The following PPP1R13B variants were observed in gnomAD, a reference collection of about 807,000 sequenced individuals.
PPP1R13B encodes apoptosis-stimulating of p53 protein 1.
In PPP1R13B, 44 loss-of-function variants were observed where a neutral mutation model predicts 119.8. The observed-to-expected ratio is 0.37, with a 90% confidence interval of 0.29 to 0.47. PPP1R13B has a LOEUF of 0.47. Among genes scored for constraint, PPP1R13B ranks in the 20% least tolerant of loss-of-function variants. PPP1R13B has a pLI of 0.99. For missense variants in PPP1R13B, 1,227 were observed against 1,413.5 expected, an observed-to-expected ratio of 0.87 and a Z score of 2.12; for synonymous variants, 542 against 561.5, an observed-to-expected ratio of 0.97 and a Z score of 0.49.
chr14:103,734,474 C>T lies in PPP1R13B; in HGVS notation c.*680G>A. On this transcript the variant is annotated 3_prime_UTR_variant, in exon 17 of 17. Transcript: ENST00000202556. ...AGAAGAGTATATGCTGAGGCTCTCC[C>T]AGTTGTCACTTGGTCTTAGGGGTCC... 2.2e-6 allele frequency: 1 copy of T among 455,512 alleles called. No individual in the cohort carries two copies. The highest frequency in any genetic ancestry group is 4.4e-6 in the Non-Finnish European group (1 of 226,338). The allele number at this position is 455,512 out of a possible 1,614,324, so 28.2% of individuals were successfully genotyped here.
At chr14:103,805,927 G>A (rs2086006790) in intron 1 of PPP1R13B, among the ~76,000 whole-genome samples, 1 of 152,178 alleles carries the variant, frequency 6.6e-6, no homozygotes, top group Non-Finnish European at 1.5e-5. Context: ...TGACAGTAAT[G>A]TTCTAAAATT....
intron 6 of PPP1R13B, 35 bp downstream of exon 6, chr14:103,754,035 G>A: frequency 6.2e-7 from 1 of 1,602,644 alleles, no homozygotes; most frequent in Non-Finnish European, 8.5e-7. Flanking sequence ...TGGGCCTGGT[G>A]AGAGTGGTGT....
intron 4 of PPP1R13B, among the ~76,000 whole-genome samples, chr14:103,777,696 T>C (rs1038083679): frequency 6.6e-6 from 1 of 151,720 alleles, no homozygotes; most frequent in African/African-American, 2.4e-5. Flanking sequence ...TATAATTTCA[T>C]ATAATATTTT....
chr14:103,825,734 AAAC>A (rs1259851809), intron 1 of PPP1R13B, among the ~76,000 whole-genome samples: 4 of 152,244 alleles, frequency 2.6e-5, no homozygotes, highest in Admixed American at 6.5e-5. Flanking sequence ...GTGCAAGGTG[AAAC>A]AACAAGTAAT....
chr14:103,788,536 C>A (rs779674066), intron 2 of PPP1R13B, among the ~76,000 whole-genome samples: 3 of 152,090 alleles, frequency 2.0e-5, no homozygotes, highest in Non-Finnish European at 4.4e-5. Flanking sequence ...AATAGCATTT[C>A]TCATTAGCCA....
At chr14:103,829,606 A>T (rs1320549512) in intron 1 of PPP1R13B, among the ~76,000 whole-genome samples, 1 of 152,000 alleles carries the variant, frequency 6.6e-6, no homozygotes, top group Non-Finnish European at 1.5e-5. Flanking sequence ...AAAAACACAC[A>T]TCTATAGTGT....
At chr14:103,835,293 T>C (rs1000425588) in intron 1 of PPP1R13B, among the ~76,000 whole-genome samples, 3 of 152,024 alleles carry the variant, frequency 2.0e-5, no homozygotes, top group Non-Finnish European at 2.9e-5. Flanking sequence ...CAGCTAATTT[T>C]TGTATTATTT....
intron 4 of PPP1R13B, among the ~76,000 whole-genome samples, chr14:103,766,018 T>C (rs1236966438): frequency 4.0e-5 from 6 of 148,944 alleles, no homozygotes; most frequent in Non-Finnish European, 3.0e-5. Context: ...TTATTATTAT[T>C]ATTATTTTGA....
intron 4 of PPP1R13B, among the ~76,000 whole-genome samples, chr14:103,765,084 C>A (rs1224794881): frequency 6.6e-6 from 1 of 152,224 alleles, no homozygotes; most frequent in Non-Finnish European, 1.5e-5. Context: ...TCCCAGAGTG[C>A]TGGGATTATA....
intron 3 of PPP1R13B, among the ~76,000 whole-genome samples, chr14:103,781,893 C>G (rs1299781380): frequency 1.3e-5 from 2 of 152,148 alleles, no homozygotes; most frequent in African/African-American, 4.8e-5. Context: ...ACCTCGTGAT[C>G]CAACCTCCTT....
At chr14:103,741,269 A>G (rs2084251521) in intron 11 of PPP1R13B, among the ~76,000 whole-genome samples, 1 of 152,244 alleles carries the variant, frequency 6.6e-6, no homozygotes, top group African/African-American at 2.4e-5. Context: ...TGTGGAACTA[A>G]GCTACCTTCT....
At chr14:103,814,645 A>G (rs1437057657) in intron 1 of PPP1R13B, among the ~76,000 whole-genome samples, 1 of 152,032 alleles carries the variant, frequency 6.6e-6, no homozygotes, top group East Asian at 1.9e-4. Context: ...TCACTATTTA[A>G]AAAAAAACAA....
At chr14:103,780,359 C>A (rs964148468) in intron 3 of PPP1R13B, among the ~76,000 whole-genome samples, 3 of 151,236 alleles carry the variant, frequency 2.0e-5, no homozygotes, top group Non-Finnish European at 4.4e-5. Context: ...TGGTGGCACA[C>A]GCCTGCGGTC....
At chr14:103,834,707 C>T (rs1470944262) in intron 1 of PPP1R13B, among the ~76,000 whole-genome samples, 1 of 150,594 alleles carries the variant, frequency 6.6e-6, no homozygotes, top group African/African-American at 2.5e-5. Context: ...TCTCCTCCCT[C>T]AGCCTCCTGA....
intron 1 of PPP1R13B, among the ~76,000 whole-genome samples, chr14:103,801,069 C>T (rs2085889521): frequency 1.3e-5 from 2 of 152,212 alleles, no homozygotes; most frequent in African/African-American, 2.4e-5. Flanking sequence ...AGGCTGCTCT[C>T]AAACTCCCGA....
rs1410107678 is a variant in PPP1R13B at position 103,738,110 on chromosome 14, G to GTGTGAT, written c.2865-251_2865-250insATCACA. 6.6e-6 allele frequency among the ~76,000 whole-genome samples: 1 copy of GTGTGAT among 152,200 alleles called. No individual in the cohort carries two copies. Among genetic ancestry groups the GTGTGAT allele is most frequent in the Non-Finnish European group, 1.5e-5 (1 of 68,042 alleles). ...CACAGATGTTCACGCCACACTGCAT[G>GTGTGAT]GTGATGTGAATGTACATAACACACT... On this transcript the variant is annotated intron_variant, in intron 14 of 16. Transcript: ENST00000202556. This position sits in a 1 kb window ranked among gnomAD's most constrained non-coding sequence, Gnocchi z 5.6.
At chr14:103,803,437 A>G (rs200034074) in intron 1 of PPP1R13B, among the ~76,000 whole-genome samples, 1 of 152,136 alleles carries the variant, frequency 6.6e-6, no homozygotes, top group East Asian at 1.9e-4. Flanking sequence ...AGGACAGGAG[A>G]TCAAGACCAT....
At chr14:103,786,072 C>T (rs972744175) in intron 2 of PPP1R13B, among the ~76,000 whole-genome samples, 2 of 152,100 alleles carry the variant, frequency 1.3e-5, no homozygotes, top group African/African-American at 4.8e-5. Flanking sequence ...AAGGTCTTTG[C>T]TCTGCCACCC....
chr14:103,736,118 G>T lies in PPP1R13B; in HGVS notation c.3116C>A (p.Ser1039Tyr), dbSNP rs1216253815. 6.2e-7 allele frequency: 1 copy of T among 1,614,098 alleles called. No individual in the cohort carries two copies. The highest frequency in any genetic ancestry group is 8.5e-7 in the Non-Finnish European group (1 of 1,180,048). ...DYEAQNSDEL[S>Y]FHEGDALTIL... ...GGTGAGGGCGTCCCCTTCGTGGAAG[G>T]ACAGCTCGTCACTGTTCTGGGCCTC... Residue 1039 changes from serine (S) to tyrosine (Y), a missense_variant, in exon 16 of 17, where the codon TCC (serine) becomes TAC (tyrosine). Transcript: ENST00000202556.
Sources: gnomAD v4.1 joint callset for allele counts (sites outside exome capture counted in the v4.1 genomes callset) on GRCh38, gnomAD v4.1.1 for gene constraint, Gnocchi (gnomAD v3.1) non-coding constraint, MANE v1.5 for transcripts, NCBI Gene and HGNC (gene_info 2026-07-23, HGNC 2026-07-21) for gene names.